The following DYNC1H1 variants were observed in gnomAD, a reference collection of about 807,000 sequenced individuals.
DYNC1H1 encodes cytoplasmic dynein 1 heavy chain 1.
In DYNC1H1, 51 loss-of-function variants were observed where a neutral mutation model predicts 527.1. That is an observed-to-expected ratio of 0.10 (90% CI 0.08 to 0.12). The LOEUF is 0.12. Ranked by LOEUF, DYNC1H1 falls within the 10% of genes least tolerant of loss-of-function variation. The pLI is 1.00. For synonymous variants in DYNC1H1, 2,189 were observed against 2,278.8 expected, an observed-to-expected ratio of 0.96 and a Z score of 1.12; for missense variants, 2,771 against 5,971.8, an observed-to-expected ratio of 0.46 and a Z score of 17.66.
chr14:102,022,889 C>G lies in DYNC1H1; in HGVS notation c.8637+9C>G. The G allele has an allele frequency of 1.9e-6, 3 of 1,614,202 alleles. No individual in the cohort carries two copies. The highest frequency in any genetic ancestry group is 2.5e-6 in the Non-Finnish European group (3 of 1,180,014). On this transcript the variant is annotated intron_variant, in intron 43 of 77. Transcript: ENST00000360184. ...GCAACTGGCTGTCAAAGGTAGCAAACTCGCATCATTTCAGACATACTTCTT... is the reference window on the plus strand; with the variant it reads ...GCAACTGGCTGTCAAAGGTAGCAAAGTCGCATCATTTCAGACATACTTCTT...
chr14:101,982,706 C>T (rs780331716), intron 5 of DYNC1H1, among the ~76,000 whole-genome samples: 1 of 136,036 alleles, frequency 7.4e-6, no homozygotes, highest in African/African-American at 2.7e-5. Flanking sequence ...TCGTCTTCCA[C>T]GAAACTGGTC....
chr14:102,037,957 G>A (rs1318506547), intron 57 of DYNC1H1: 1 of 281,272 alleles, frequency 3.6e-6, no homozygotes, highest in Non-Finnish European at 6.9e-6. Context: ...GTAGCCACTA[G>A]CCTTGGGGGC....
At chr14:101,998,943 G>A (rs931739670) in intron 16 of DYNC1H1, among the ~76,000 whole-genome samples, 14 of 134,522 alleles carry the variant, frequency 1.0e-4, no homozygotes, top group South Asian at 7.3e-4. Flanking sequence ...GTGCAGTGGC[G>A]CAATCTCCGC....
chr14:101,994,358 A>G (rs756803752), intron 12 of DYNC1H1, 34 bp downstream of exon 12: 5 of 1,613,892 alleles, frequency 3.1e-6, no homozygotes, highest in Non-Finnish European at 3.4e-6. Flanking sequence ...AAATGTGCAT[A>G]TGGTCTATTC....
rs766335903 is a variant in DYNC1H1 at position 102,016,531 on chromosome 14, G to A, written c.7614+42G>A. On this transcript the variant is annotated intron_variant, in intron 37 of 77. Coordinates refer to ENST00000360184, the MANE Select transcript of DYNC1H1 (RefSeq NM_001376.5). This position sits in a 1 kb window ranked among gnomAD's most constrained non-coding sequence, Gnocchi z 7.3. ...CACCCGTGTTTCTGATTCTCGCCTT[G>A]TTGATTTAACTCATCCTGGAACAAG... 3.1e-6 allele frequency: 5 copies of A among 1,613,950 alleles called. No homozygotes were observed. In the South Asian group the frequency reaches 3.3e-5, roughly 11 times the overall value.
In DYNC1H1 at chr14:102,010,731, T is replaced by C; in HGVS notation, c.6406-9T>C. The C allele has an allele frequency of 6.2e-7, 1 of 1,612,298 alleles. No individual in the cohort carries two copies. The highest frequency in any genetic ancestry group is 8.5e-7 in the Non-Finnish European group (1 of 1,179,880). On this transcript the variant is annotated splice_polypyrimidine_tract_variant and intron_variant, in intron 31 of 77. Transcript: ENST00000360184. This position sits in a 1 kb window ranked among gnomAD's most constrained non-coding sequence, Gnocchi z 6.0. The stretch of plus-strand genomic sequence containing the variant: ...CTGCGCTGCTCACAGCCCAGCCCTC[T>C]CCCCGTAGATTCTGATACAGAGCGT...
In DYNC1H1 at chr14:102,015,254, T is replaced by A; in HGVS notation, c.7164T>A (p.Asp2388Glu). The change falls in exon 35 of 78, where the codon GAT becomes GAA. Residue 2388 changes from aspartate to glutamate, a missense_variant. Around this residue, in one of 32 missense-constraint regions of DYNC1H1, gnomAD observed 122 missense variants for 168.4 expected, o/e 0.72. Coordinates refer to ENST00000360184, the MANE Select transcript of DYNC1H1 (RefSeq NM_001376.5). This position sits in a 1 kb window ranked among gnomAD's most constrained non-coding sequence, Gnocchi z 6.9. ...FLARLRSIPL[D>E]EGEDEAQRRR... Reference sequence around the variant, plus strand: ...CCAGGCTGCGCAGCATCCCGCTGGATGAAGGGGAGGATGAGGCACAGCGGC... The same window carrying A: ...CCAGGCTGCGCAGCATCCCGCTGGAAGAAGGGGAGGATGAGGCACAGCGGC... The A allele has an allele frequency of 6.2e-7, 1 of 1,614,092 alleles. No homozygotes were observed. The highest frequency in any genetic ancestry group is 8.5e-7 in the Non-Finnish European group (1 of 1,180,008).
At chr14:101,973,999 C>G (rs934769963) in intron 1 of DYNC1H1, among the ~76,000 whole-genome samples, 1 of 152,214 alleles carries the variant, frequency 6.6e-6, no homozygotes, top group Non-Finnish European at 1.5e-5. Context: ...TTACACCTTA[C>G]AAATTTGAAG....
rs1016315890 is a variant in DYNC1H1, at chr14:102,005,496, A to G, written c.5433+260A>G. 6.6e-5 allele frequency among the ~76,000 whole-genome samples: 10 copies of G among 152,282 alleles called. No individual in the cohort carries two copies. Among genetic ancestry groups the G allele is most frequent in the African/African-American group, 1.9e-4 (8 of 41,554 alleles). On this transcript the variant is annotated intron_variant, in intron 26 of 77. Coordinates refer to ENST00000360184, the MANE Select transcript of DYNC1H1 (RefSeq NM_001376.5). This position sits in a 1 kb window ranked among gnomAD's most constrained non-coding sequence, Gnocchi z 4.0. Reference sequence around the variant, plus strand: ...TCAGGATCTCTTGCTCTTTCCTGTCATCTCCCCAGAGAGGTGGCCACAGCA... The same window carrying G: ...TCAGGATCTCTTGCTCTTTCCTGTCGTCTCCCCAGAGAGGTGGCCACAGCA...
Position 101,997,348 on chromosome 14 carries a change from A to G in DYNC1H1, c.3804+74A>G, listed in dbSNP as rs540860536. ...GATTTGGTGACTTTCTTTCAAGCCT[A>G]AAAGGCCTTGCTGTGACTGAGCTTT... On this transcript the variant is annotated intron_variant, in intron 16 of 77. Transcript: ENST00000360184. This position sits in a 1 kb window ranked among gnomAD's most constrained non-coding sequence, Gnocchi z 4.8. 5.1e-5 allele frequency: 82 copies of G among 1,608,576 alleles called. 1 individual carries two copies. In the Admixed American group the frequency reaches 1.3e-3, roughly 26 times the overall value.
At chr14:101,992,458 A>G (rs985078442) in intron 11 of DYNC1H1, among the ~76,000 whole-genome samples, 1 of 151,742 alleles carries the variant, frequency 6.6e-6, no homozygotes, top group African/African-American at 2.4e-5. Context: ...TCATCATGTT[A>G]CTCCTGTTTT....
In DYNC1H1 at chr14:102,036,809, A is replaced by T; in HGVS notation, c.10908+167A>T. 9.8e-7 allele frequency: 1 copy of T among 1,017,544 alleles called. No homozygotes were observed. The highest frequency in any genetic ancestry group is 2.0e-5 in the Admixed American group (1 of 49,370). 63.0% of individuals were successfully genotyped at this position (1,017,544 alleles called of 1,614,324 possible). A position where few individuals can be genotyped will look rare whatever the true frequency, so the allele number is the denominator to read the frequency against. Reference sequence around the variant, plus strand: ...TTCAACAGAATCATTATTTGCATTTAAAATTCTATTCAGTGGTCGGGCGAG... The same window carrying T: ...TTCAACAGAATCATTATTTGCATTTTAAATTCTATTCAGTGGTCGGGCGAG... On this transcript the variant is annotated intron_variant, in intron 57 of 77. Transcript: ENST00000360184. The surrounding 1 kb of genome is among the most constrained non-coding windows in gnomAD (Gnocchi z 5.6).
rs1189533330 is a variant in DYNC1H1, at chr14:102,012,220, AT to A, written c.6858-92del. Reference sequence around the variant, plus strand: ...TATTTTTCAACCAAAGTCTGAGCAAATTAAAGGTCATTTCAGAAACCATCAT... The same window carrying A: ...TATTTTTCAACCAAAGTCTGAGCAAATAAAGGTCATTTCAGAAACCATCAT... On this transcript the variant is annotated intron_variant, in intron 33 of 77. Transcript: ENST00000360184. The surrounding 1 kb of genome is among the most constrained non-coding windows in gnomAD (Gnocchi z 4.9). The A allele has an allele frequency of 2.5e-6, 4 of 1,612,384 alleles. No individual in the cohort carries two copies. The African/African-American group carries it at 5.3e-5, about 22-fold the overall frequency.
intron 4 of DYNC1H1, 135 bp from the exon 5 acceptor site, chr14:101,980,229 G>A (rs931847757): frequency 9.7e-6 from 12 of 1,231,346 alleles, no homozygotes; most frequent in African/African-American, 1.5e-5. Flanking sequence ...TTCAAATCAA[G>A]CCACTTTTGA....
Position 102,048,679 on chromosome 14 carries a change from A to G in DYNC1H1, c.13372+10A>G, listed in dbSNP as rs1266766557. On this transcript the variant is annotated intron_variant, in intron 74 of 77. Transcript: ENST00000360184. ...AACGAGCTAGTGAAAGGTGCGTGAG[A>G]GGCCGAACTCGTGGTGTGGCTTCCG... 1 of 1,612,178 alleles carries G rather than the reference A, an allele frequency of 6.2e-7. No individual in the cohort carries two copies. Among genetic ancestry groups the G allele is most frequent in the Non-Finnish European group, 8.5e-7 (1 of 1,179,862 alleles).
chr14:102,001,729 C>T lies in DYNC1H1; in HGVS notation c.4542+48C>T, dbSNP rs768463050. Reference sequence around the variant, plus strand: ...CCCTCCCCACCAGTGGTCTCCCACGCTTTCACTGTAATGCCTTTTCACTGA... The same window carrying T: ...CCCTCCCCACCAGTGGTCTCCCACGTTTTCACTGTAATGCCTTTTCACTGA... On this transcript the variant is annotated intron_variant, in intron 21 of 77. Coordinates refer to ENST00000360184, the MANE Select transcript of DYNC1H1 (RefSeq NM_001376.5). The surrounding 1 kb of genome is among the most constrained non-coding windows in gnomAD (Gnocchi z 5.0). 9 of 1,612,250 alleles carry T rather than the reference C, an allele frequency of 5.6e-6. No homozygotes were observed. In the East Asian group the frequency reaches 2.0e-4, roughly 36 times the overall value.
Position 102,044,074 on chromosome 14 carries a change from G to A in DYNC1H1, c.12684+29G>A. ...AGTGTGGGCCATGCCAGGACAGACA[G>A]TGGACGTGTATCTGGGAAGGATGCT... is the stretch of plus-strand genomic sequence containing the variant. On this transcript the variant is annotated intron_variant, in intron 70 of 77. Coordinates refer to ENST00000360184, the MANE Select transcript of DYNC1H1 (RefSeq NM_001376.5). This position sits in a 1 kb window ranked among gnomAD's most constrained non-coding sequence, Gnocchi z 7.1. 1 of 1,612,100 alleles carries A rather than the reference G, an allele frequency of 6.2e-7. No homozygotes were observed. Among genetic ancestry groups the A allele is most frequent in the Non-Finnish European group, 8.5e-7 (1 of 1,179,904 alleles).
rs1469972847 is a variant in DYNC1H1, at chr14:102,001,834, C to T, written c.4542+153C>T. On this transcript the variant is annotated intron_variant, in intron 21 of 77. Transcript: ENST00000360184. This position sits in a 1 kb window ranked among gnomAD's most constrained non-coding sequence, Gnocchi z 5.0. The stretch of plus-strand genomic sequence containing the variant: ...TCTCCCACGCTGGAGTGCAGTGGCA[C>T]CATCACAGCTCACTGCTGCAGCCTT... Among the ~76,000 whole-genome samples, 1 of 152,156 alleles carries T rather than the reference C, an allele frequency of 6.6e-6. No individual in the cohort carries two copies. Among genetic ancestry groups the T allele is most frequent in the South Asian group, 2.1e-4 (1 of 4,826 alleles).
rs773811274 is a variant in DYNC1H1, at chr14:101,983,353, T to C, written c.1234-29T>C. 6.2e-7 allele frequency: 1 copy of C among 1,614,122 alleles called. No homozygotes were observed. The highest frequency in any genetic ancestry group is 1.1e-5 in the South Asian group (1 of 91,068). ...TTGAGATGAAAATATGTCTTAATAATAAGCCTCACTTTTGAAATTATATCC... is the reference window on the plus strand; with the variant it reads ...TTGAGATGAAAATATGTCTTAATAACAAGCCTCACTTTTGAAATTATATCC... On this transcript the variant is annotated intron_variant, in intron 6 of 77. Transcript: ENST00000360184. The surrounding 1 kb of genome is among the most constrained non-coding windows in gnomAD (Gnocchi z 5.3).
Sources: gnomAD v4.1 joint callset for allele counts (sites outside exome capture counted in the v4.1 genomes callset) on GRCh38, gnomAD v4.1.1 for gene constraint, gnomAD v4.1.1 regional missense constraint, Gnocchi (gnomAD v3.1) non-coding constraint, MANE v1.5 for transcripts, NCBI Gene and HGNC (gene_info 2026-07-23, HGNC 2026-07-21) for gene names.